CENPP: variants seen among roughly 807,000 people sequenced by gnomAD.
The protein encoded by CENPP is centromere protein P.
CENPP carries 24 observed loss-of-function variants against 35.6 expected under a neutral mutation model. That is an observed-to-expected ratio of 0.67 (90% CI 0.49 to 0.95). The LOEUF (loss-of-function observed/expected upper bound fraction) is 0.95, where lower values mean the gene tolerates loss of function less well. CENPP is among the 40% of genes least tolerant of loss of function. CENPP has a pLI of 0.00. For missense variants in CENPP, 332 were observed against 345.3 expected (o/e 0.96, Z 0.31); for synonymous variants, 120 against 125.5 (o/e 0.96, Z 0.29).
intron 4 of CENPP, among the ~76,000 whole-genome samples, chr9:92,376,769 A>G (rs913257049): frequency 6.6e-6 from 1 of 152,090 alleles, no homozygotes; most frequent in Non-Finnish European, 1.5e-5. Context: ...GACCAGGTGC[A>G]GTGGCTCACG....
At chr9:92,489,939 T>C (rs1220253384) in intron 5 of CENPP, among the ~76,000 whole-genome samples, 1 of 152,216 alleles carries the variant, frequency 6.6e-6, no homozygotes, top group East Asian at 1.9e-4. Flanking sequence ...CCTGTCTTAG[T>C]GTATTAGACC....
chr9:92,612,522 G>A lies in CENPP; in HGVS notation c.645-1G>A. 1 of 1,611,862 alleles carries A rather than the reference G, an allele frequency of 6.2e-7. No individual in the cohort carries two copies. Among genetic ancestry groups the A allele is most frequent in the Non-Finnish European group, 8.5e-7 (1 of 1,177,978 alleles). On this transcript the variant is annotated splice_acceptor_variant, in intron 6 of 7. Coordinates refer to ENST00000375587, the MANE Select transcript of CENPP (RefSeq NM_001012267.3). LOFTEE classifies it high-confidence loss of function. ...AACGACATGTTTTACTGCTTTTTCA[G>A]GTTTGAATTAGTCATTGTTTGGAGG...
intron 5 of CENPP, among the ~76,000 whole-genome samples, chr9:92,430,638 G>A (rs1472775776): frequency 6.6e-6 from 1 of 152,048 alleles, no homozygotes; most frequent in Non-Finnish European, 1.5e-5. Context: ...TTACAGGTGT[G>A]AGCCACCACG....
chr9:92,547,687 G>C (rs575059622), intron 5 of CENPP, among the ~76,000 whole-genome samples: 1 of 152,306 alleles, frequency 6.6e-6, no homozygotes, highest in South Asian at 2.1e-4. Context: ...CTGTTAATGG[G>C]TACAGGGTTT....
At chr9:92,348,469 TG>T (rs1250219813) in intron 4 of CENPP, among the ~76,000 whole-genome samples, 8 of 151,720 alleles carry the variant, frequency 5.3e-5, no homozygotes, top group Non-Finnish European at 7.4e-5. Context: ...CTCAGCTCAC[TG>T]CAACCTCTGC....
chr9:92,359,609 T>C (rs915741970), intron 4 of CENPP, among the ~76,000 whole-genome samples: 2 of 152,058 alleles, frequency 1.3e-5, no homozygotes, highest in Admixed American at 1.3e-4. Flanking sequence ...AAAATGAAGG[T>C]GGGAAAAAAG....
chr9:92,457,529 A>G, intron 5 of CENPP: 1 of 1,394,222 alleles, frequency 7.2e-7, no homozygotes, highest in Non-Finnish European at 1.0e-6. Flanking sequence ...TACCCAGTAA[A>G]TGTAAACGGA....
chr9:92,478,066 G>A (rs184351371), intron 5 of CENPP, among the ~76,000 whole-genome samples: 60 of 152,160 alleles, frequency 3.9e-4, no homozygotes, highest in African/African-American at 1.4e-3. Context: ...GAAATAGAAT[G>A]TACAAACCTG....
intron 5 of CENPP, among the ~76,000 whole-genome samples, chr9:92,425,348 G>A (rs1238511079): frequency 6.6e-6 from 1 of 152,134 alleles, no homozygotes; most frequent in East Asian, 1.9e-4. Context: ...AATAAAATGG[G>A]ATGAAAAGCT....
At chr9:92,408,932 T>G (rs1213990608) in intron 5 of CENPP, among the ~76,000 whole-genome samples, 1 of 152,220 alleles carries the variant, frequency 6.6e-6, no homozygotes, top group Admixed American at 6.5e-5. Flanking sequence ...CTCATACTTA[T>G]GCTTGAAGCC....
At chr9:92,587,442 C>G (rs1302676712) in intron 5 of CENPP, among the ~76,000 whole-genome samples, 2 of 151,928 alleles carry the variant, frequency 1.3e-5, no homozygotes, top group African/African-American at 4.8e-5. Context: ...GCACTCCAGC[C>G]TGGGCAACAA....
At position 92,619,253 on chromosome 9, in the gene CENPP, T is replaced by C; in HGVS notation, c.*6104T>C. On this transcript the variant is annotated 3_prime_UTR_variant, in exon 8 of 8. Transcript: ENST00000375587. ...TTTCTTAGAAAACAGTAACTTTCAA[T>C]GTACTAACAATCCTTTTAAGTTATT... 3 of 506,524 alleles carry C rather than the reference T, an allele frequency of 5.9e-6. No homozygotes were observed. In the East Asian group the frequency reaches 9.4e-5, roughly 16 times the overall value. 31.4% of individuals were successfully genotyped at this position (506,524 alleles called of 1,614,324 possible).
chr9:92,512,560 A>G (rs1847418993), intron 5 of CENPP, among the ~76,000 whole-genome samples: 1 of 151,960 alleles, frequency 6.6e-6, no homozygotes, highest in South Asian at 2.1e-4. Flanking sequence ...CATGCCAATC[A>G]CTCACCTCCT....
At chr9:92,552,286 A>C (rs1849634084) in intron 5 of CENPP, among the ~76,000 whole-genome samples, 1 of 151,696 alleles carries the variant, frequency 6.6e-6, no homozygotes, top group Non-Finnish European at 1.5e-5. Flanking sequence ...GCAACTGTGA[A>C]TTGTGCTGCT....
At chr9:92,521,939 G>GC (rs1199106589) in intron 5 of CENPP, among the ~76,000 whole-genome samples, 1 of 152,130 alleles carries the variant, frequency 6.6e-6, no homozygotes, top group Admixed American at 6.5e-5. Context: ...TAAAATATAT[G>GC]CATAGTAAAC....
intron 5 of CENPP, among the ~76,000 whole-genome samples, chr9:92,475,200 C>G (rs1845672957): frequency 2.0e-5 from 3 of 151,926 alleles, no homozygotes; most frequent in Non-Finnish European, 4.4e-5. Flanking sequence ...ATTATAATAG[C>G]AGAAATATTT....
chr9:92,424,623 C>G (rs17519320), intron 5 of CENPP, among the ~76,000 whole-genome samples: 4,708 of 152,222 alleles, frequency 0.031, 114 homozygotes, highest in South Asian at 0.084. Flanking sequence ...AAATTAAGGC[C>G]CACTGTGACA....
At chr9:92,515,427 T>C (rs1847643033) in intron 5 of CENPP, among the ~76,000 whole-genome samples, 1 of 152,254 alleles carries the variant, frequency 6.6e-6, no homozygotes, top group African/African-American at 2.4e-5. Context: ...GCCTTAATAC[T>C]AATTTTTATA....
rs1851531649 is a variant in CENPP at position 92,618,856 on chromosome 9, T to G, written c.*5707T>G. The G allele has an allele frequency of 2.9e-6, 1 of 347,712 alleles. No homozygotes were observed. The highest frequency in any genetic ancestry group is 5.6e-6 in the Non-Finnish European group (1 of 176,992). 21.5% of individuals were successfully genotyped at this position (347,712 alleles called of 1,614,324 possible). On this transcript the variant is annotated 3_prime_UTR_variant, in exon 8 of 8. Coordinates refer to ENST00000375587, the MANE Select transcript of CENPP (RefSeq NM_001012267.3). ...CCCAGGAACACATGTTAGAAGAATG[T>G]GGAACATTCCGCAAATACTGGGTGC...
Sources: gnomAD v4.1 joint callset for allele counts (sites outside exome capture counted in the v4.1 genomes callset) on GRCh38, gnomAD v4.1.1 for gene constraint, MANE v1.5 for transcripts, NCBI Gene and HGNC (gene_info 2026-07-23, HGNC 2026-07-21) for gene names.